Variants in LIG1 observed in about 807,000 individuals in gnomAD.
The protein encoded by LIG1 is ligase I, DNA, ATP-dependent.
In LIG1, 70 loss-of-function variants were observed where a neutral mutation model predicts 115.7. The ratio of observed to expected loss-of-function variants is 0.60; its 90% CI spans 0.50 to 0.74. The LOEUF is 0.74. LIG1 is among the 30% of genes least tolerant of loss of function. LIG1 has a pLI of 0.00. For missense variants in LIG1, 1,115 were observed against 1,225.6 expected, an observed-to-expected ratio of 0.91 and a Z score of 1.35; for synonymous variants, 487 against 495.3, an observed-to-expected ratio of 0.98 and a Z score of 0.22.
rs746427442 is a variant in LIG1, at chr19:48,135,984, G to A, written c.1423+50C>T. The A allele has an allele frequency of 3.5e-6, 5 of 1,446,230 alleles. No homozygotes were observed. The East Asian group carries it at 1.3e-4, about 36-fold the overall frequency. The allele number at this position is 1,446,230 out of a possible 1,614,324, so 89.6% of individuals were successfully genotyped here. On this transcript the variant is annotated intron_variant, in intron 15 of 27. Coordinates refer to ENST00000263274, the MANE Select transcript of LIG1 (RefSeq NM_000234.3). Reference sequence around the variant, plus strand: ...TGGGCCTCTGAAGAGGAGGGGGGAAGCCTGAGGTAACTCCAGCGAGGGATG... The same window carrying A: ...TGGGCCTCTGAAGAGGAGGGGGGAAACCTGAGGTAACTCCAGCGAGGGATG...
At position 48,119,205 on chromosome 19, in the gene LIG1, C is replaced by A. The variant is rs1276201310; in HGVS notation, c.2386-15G>T. The A allele has an allele frequency of 6.3e-7, 1 of 1,578,820 alleles. No homozygotes were observed. Among genetic ancestry groups the A allele is most frequent in the East Asian group, 2.4e-5 (1 of 42,550 alleles). ...CCAGTTCCAAGCTGCAGGGAGGAAGCGGGAGGTCAGAGGCTCAGCCAGCCA... is the reference window on the plus strand; with the variant it reads ...CCAGTTCCAAGCTGCAGGGAGGAAGAGGGAGGTCAGAGGCTCAGCCAGCCA... On this transcript the variant is annotated splice_polypyrimidine_tract_variant and intron_variant, in intron 24 of 27. Transcript: ENST00000263274.
intron 21 of LIG1, among the ~76,000 whole-genome samples, chr19:48,124,414 T>C (rs998186977): frequency 6.6e-6 from 1 of 152,134 alleles, no homozygotes; most frequent in Non-Finnish European, 1.5e-5. Context: ...ATCTGTAAAA[T>C]GCAGCAATAC....
At chr19:48,159,884 A>G (rs1298170522) in intron 4 of LIG1, among the ~76,000 whole-genome samples, 1 of 151,854 alleles carries the variant, frequency 6.6e-6, no homozygotes, top group African/African-American at 2.4e-5. Flanking sequence ...CGCCCAGCTA[A>G]TTTTTTGTAT....
Position 48,121,261 on chromosome 19 carries a change from T to G in LIG1, c.2294A>C (p.Tyr765Ser). The change falls in exon 24 of 28, where the codon TAC (tyrosine) becomes TCC (serine). Residue 765 changes from tyrosine to serine, a missense_variant. Physicochemically the swap from Tyr to Ser is moderately radical, Grantham distance 144. Coordinates refer to ENST00000263274, the MANE Select transcript of LIG1 (RefSeq NM_000234.3). ...DTLDLVVIGA[Y>S]LGRGKRAGRY... ...GCCGGCCCGCTTCCCCCGGCCCAGG[T>G]AGGCGCCGATCACCACCAGGTCCAG... is the stretch of plus-strand genomic sequence containing the variant. 1.2e-6 allele frequency: 2 copies of G among 1,613,508 alleles called. No individual in the cohort carries two copies. Among genetic ancestry groups the G allele is most frequent in the Non-Finnish European group, 1.7e-6 (2 of 1,179,808 alleles).
At position 48,115,858 on chromosome 19, in the gene LIG1, T is replaced by C. The variant is rs1330958088; in HGVS notation, c.2676+15A>G. ...AAGCAGCTGGGCGGCCCACCCCTGC[T>C]TCCCAGGACCTCACCTGAGCACTGG... On this transcript the variant is annotated intron_variant, in intron 27 of 27. Coordinates refer to ENST00000263274, the MANE Select transcript of LIG1 (RefSeq NM_000234.3). 3.1e-6 allele frequency: 5 copies of C among 1,611,324 alleles called. No homozygotes were observed. The highest frequency in any genetic ancestry group is 3.4e-6 in the Non-Finnish European group (4 of 1,177,750).
chr19:48,140,471 C>T (rs1339529109), intron 11 of LIG1, among the ~76,000 whole-genome samples: 1 of 152,202 alleles, frequency 6.6e-6, no homozygotes, highest in Admixed American at 6.5e-5. Flanking sequence ...GAATTTGGTT[C>T]GTGGCTTGAC....
chr19:48,153,368 G>C (rs990460716), intron 6 of LIG1, among the ~76,000 whole-genome samples: 5 of 151,762 alleles, frequency 3.3e-5, no homozygotes, highest in African/African-American at 1.2e-4. Flanking sequence ...TTTGGGAACT[G>C]CAACTTTATG....
intron 24 of LIG1, chr19:48,120,491 A>T: frequency 3.0e-6 from 3 of 985,388 alleles, no homozygotes; most frequent in Non-Finnish European, 3.6e-6. Context: ...AAAGACCCAA[A>T]TTTGTTGGAG....
chr19:48,138,531 A>G (rs887282372), intron 12 of LIG1, among the ~76,000 whole-genome samples: 9 of 152,356 alleles, frequency 5.9e-5, no homozygotes, highest in African/African-American at 2.2e-4. Flanking sequence ...GAGCCTCACC[A>G]ATGGGATGTT....
At chr19:48,166,838 G>C (rs2123090421) in intron 1 of LIG1, among the ~76,000 whole-genome samples, 1 of 151,940 alleles carries the variant, frequency 6.6e-6, no homozygotes, top group South Asian at 2.1e-4. Flanking sequence ...AGGTATGGTG[G>C]TGCACACCTG....
chr19:48,132,092 C>T (rs1391055541), intron 18 of LIG1, among the ~76,000 whole-genome samples: 1 of 152,038 alleles, frequency 6.6e-6, no homozygotes, highest in Non-Finnish European at 1.5e-5. Context: ...GCACACGCCA[C>T]CACACTGGCT....
In LIG1 at chr19:48,133,973, G is replaced by A. The variant is rs1274706603; in HGVS notation, c.1609+8C>T. 6.4e-7 allele frequency: 1 copy of A among 1,552,014 alleles called. No homozygotes were observed. The highest frequency in any genetic ancestry group is 8.7e-7 in the Non-Finnish European group (1 of 1,147,018). On this transcript the variant is annotated splice_region_variant and intron_variant, in intron 17 of 27. Transcript: ENST00000263274. ...TGCCAGGCTGGTGAGCGCCCCTGGG[G>A]CCTGTACCTGGGCTCAGCTTGCAGT...
intron 6 of LIG1, among the ~76,000 whole-genome samples, chr19:48,152,268 G>A (rs1161249013): frequency 6.6e-6 from 1 of 151,976 alleles, no homozygotes; most frequent in African/African-American, 2.4e-5. Context: ...GACTACAGGC[G>A]CATGCCACCA....
intron 17 of LIG1, 94 bp from the exon 18 acceptor site, chr19:48,133,191 T>A (rs2034156841): frequency 2.4e-6 from 2 of 850,612 alleles, no homozygotes. Context: ...CCCAGGACCA[T>A]TCTGCTTTCT....
At chr19:48,130,127 T>C (rs191969750) in intron 19 of LIG1, among the ~76,000 whole-genome samples, 103 of 152,328 alleles carry the variant, frequency 6.8e-4, no homozygotes, top group African/African-American at 2.3e-3. Flanking sequence ...CTTGGGTGTA[T>C]GAACTTTTCA....
In LIG1 at chr19:48,122,660, G is replaced by A. The variant is rs1021264758; in HGVS notation, c.2232+274C>T. Among the ~76,000 whole-genome samples the A allele has an allele frequency of 6.6e-6, 1 of 152,190 alleles. No individual in the cohort carries two copies. The highest frequency in any genetic ancestry group is 1.5e-5 in the Non-Finnish European group (1 of 68,030). ...CCTGCCCAAGAGCCTGGCCCGACAC[G>A]GGCGGCAGGCTCAGGAGAGAGACAC... is the stretch of plus-strand genomic sequence containing the variant. On this transcript the variant is annotated intron_variant, in intron 23 of 27. Coordinates refer to ENST00000263274, the MANE Select transcript of LIG1 (RefSeq NM_000234.3). The surrounding 1 kb of genome is among the most constrained non-coding windows in gnomAD (Gnocchi z 4.3).
At chr19:48,134,539 T>C (rs1294824869) in intron 16 of LIG1, among the ~76,000 whole-genome samples, 7 of 152,188 alleles carry the variant, frequency 4.6e-5, no homozygotes. Context: ...GCGCCTGTAG[T>C]CCCAGCTACT....
intron 25 of LIG1, 104 bp from the exon 26 acceptor site, chr19:48,117,885 C>A: frequency 8.4e-7 from 1 of 1,196,104 alleles, no homozygotes; most frequent in Non-Finnish European, 1.2e-6. Context: ...AAACAGGCAC[C>A]CCCTTGAAGT....
At chr19:48,134,832 G>A (rs2034278183) in intron 16 of LIG1, among the ~76,000 whole-genome samples, 1 of 152,210 alleles carries the variant, frequency 6.6e-6, no homozygotes, top group Admixed American at 6.5e-5. Flanking sequence ...CCAGTGGGGG[G>A]CCCTGGCCCA....
Sources: allele counts gnomAD v4.1 joint callset (sites outside exome capture counted in the v4.1 genomes callset), GRCh38; gene constraint gnomAD v4.1.1; non-coding constraint Gnocchi (gnomAD v3.1); transcripts MANE v1.5; gene names NCBI Gene and HGNC (gene_info 2026-07-23, HGNC 2026-07-21).